The following EXOC6B variants were observed in gnomAD, a reference collection of about 807,000 sequenced individuals.
The protein encoded by EXOC6B is exocyst complex component 6B.
EXOC6B carries 54 observed loss-of-function variants against 113.5 expected under a neutral mutation model. That is an observed-to-expected ratio of 0.48 (90% CI 0.38 to 0.60). The LOEUF (loss-of-function observed/expected upper bound fraction) is 0.60, where lower values mean the gene tolerates loss of function less well. EXOC6B is among the 20% of genes least tolerant of loss of function. The probability of loss-of-function intolerance (pLI) is 0.00; values close to 1 mark genes in which losing one functional copy is unlikely to be tolerated. For synonymous variants in EXOC6B, 357 were observed against 339.0 expected (o/e 1.05, Z -0.58); for missense variants, 797 against 977.5 (o/e 0.82, Z 2.46).
intron 19 of EXOC6B, chr2:72,354,238 CA>C (rs1409088507): frequency 6.6e-6 from 1 of 152,184 alleles, no homozygotes; most frequent in East Asian, 1.9e-4. Flanking sequence ...GACAGAATTT[CA>C]GGGTATTGAA....
At chr2:72,690,608 C>T (rs929789374) in intron 6 of EXOC6B, among the ~76,000 whole-genome samples, 1 of 152,162 alleles carries the variant, frequency 6.6e-6, no homozygotes, top group African/African-American at 2.4e-5. Flanking sequence ...CAATTCTAAG[C>T]AATTCAACAA....
At chr2:72,354,908 T>C (rs902949381) in intron 19 of EXOC6B, among the ~76,000 whole-genome samples, 4 of 152,230 alleles carry the variant, frequency 2.6e-5, no homozygotes, top group Non-Finnish European at 5.9e-5. Flanking sequence ...GTTTGTGTAC[T>C]TCCCACACCA....
At position 72,730,052 on chromosome 2, in the gene EXOC6B, G is replaced by T. The variant is rs1297962818; in HGVS notation, c.464+955C>A. 2.0e-5 allele frequency among the ~76,000 whole-genome samples: 3 copies of T among 151,994 alleles called. 1 individual carries two copies. Among genetic ancestry groups the T allele is most frequent in the African/African-American group, 7.3e-5 (3 of 41,378 alleles). On this transcript the variant is annotated intron_variant, in intron 5 of 21. Coordinates refer to ENST00000272427, the MANE Select transcript of EXOC6B (RefSeq NM_015189.3). Reference sequence around the variant, plus strand: ...TCATATATCCCCATCATACTACAGGGCATCTCAGGGCAGAGAGGTTGGAGA... The same window carrying T: ...TCATATATCCCCATCATACTACAGGTCATCTCAGGGCAGAGAGGTTGGAGA...
chr2:72,281,712 T>G (rs943152115), intron 20 of EXOC6B, among the ~76,000 whole-genome samples: 3 of 152,168 alleles, frequency 2.0e-5, no homozygotes, highest in African/African-American at 7.2e-5. Context: ...TTTTCTAAAC[T>G]GATGAAAGAC....
intron 6 of EXOC6B, among the ~76,000 whole-genome samples, chr2:72,645,761 A>G (rs7420391): frequency 0.89 from 135,039 of 152,144 alleles, 59,970 homozygotes; most frequent in East Asian, 0.99. Flanking sequence ...AAGACACAAC[A>G]TACCAGAATC....
At chr2:72,357,390 A>C (rs1356302991) in intron 19 of EXOC6B, among the ~76,000 whole-genome samples, 1 of 152,174 alleles carries the variant, frequency 6.6e-6, no homozygotes, top group Non-Finnish European at 1.5e-5. Context: ...TGGTGGTCCC[A>C]TAAGATTATA....
chr2:72,725,552 C>T (rs889230649), intron 5 of EXOC6B, among the ~76,000 whole-genome samples: 6 of 152,072 alleles, frequency 3.9e-5, no homozygotes, highest in Non-Finnish European at 8.8e-5. Context: ...CCACCACACC[C>T]GCCTCATTTT....
At chr2:72,686,950 AAG>A (rs1677131672) in intron 6 of EXOC6B, among the ~76,000 whole-genome samples, 2 of 152,066 alleles carry the variant, frequency 1.3e-5, no homozygotes, top group African/African-American at 4.8e-5. Flanking sequence ...CATCCTGCCT[AAG>A]ACAGTGAAAC....
At chr2:72,483,173 G>A (rs570903833) in intron 16 of EXOC6B, among the ~76,000 whole-genome samples, 1 of 152,156 alleles carries the variant, frequency 6.6e-6, no homozygotes, top group Non-Finnish European at 1.5e-5. Context: ...TTCTCCTTCA[G>A]AGGAGGACTA....
At chr2:72,672,767 G>A (rs755677563) in intron 6 of EXOC6B, among the ~76,000 whole-genome samples, 127 of 152,098 alleles carry the variant, frequency 8.3e-4, no homozygotes, top group Non-Finnish European at 1.6e-3. Context: ...GGTCTCATGA[G>A]GATGGAGAGT....
chr2:72,601,987 A>T (rs1013104160), intron 6 of EXOC6B, among the ~76,000 whole-genome samples: 4 of 152,224 alleles, frequency 2.6e-5, no homozygotes. Context: ...CAATTGAAAG[A>T]TCATTAGTTG....
At chr2:72,332,848 C>T (rs1351623631) in intron 20 of EXOC6B, among the ~76,000 whole-genome samples, 2 of 152,052 alleles carry the variant, frequency 1.3e-5, no homozygotes, top group African/African-American at 4.8e-5. Context: ...TAAAATGATG[C>T]TCACTTTAAA....
chr2:72,430,660 C>A (rs1293385569), intron 18 of EXOC6B, among the ~76,000 whole-genome samples: 1 of 152,032 alleles, frequency 6.6e-6, no homozygotes, highest in African/African-American at 2.4e-5. Context: ...AAAGAAAAAA[C>A]AATTACTCCT....
intron 20 of EXOC6B, among the ~76,000 whole-genome samples, chr2:72,211,341 A>G (rs1680175034): frequency 6.6e-6 from 1 of 152,164 alleles, no homozygotes. Context: ...ATATTCTCCA[A>G]TGAGAGACTG....
chr2:72,555,365 T>C (rs1703479887), intron 8 of EXOC6B, among the ~76,000 whole-genome samples: 2 of 152,188 alleles, frequency 1.3e-5, no homozygotes, highest in South Asian at 4.1e-4. Flanking sequence ...AATTTACACT[T>C]CCACCAACAG....
chr2:72,628,209 C>G (rs1672177598), intron 6 of EXOC6B, among the ~76,000 whole-genome samples: 1 of 152,088 alleles, frequency 6.6e-6, no homozygotes, highest in African/African-American at 2.4e-5. Flanking sequence ...ACTACTGCCT[C>G]AAACTCCTGG....
chr2:72,214,635 C>T (rs527400974), intron 20 of EXOC6B, among the ~76,000 whole-genome samples: 1 of 152,316 alleles, frequency 6.6e-6, no homozygotes, highest in African/African-American at 2.4e-5. Flanking sequence ...GCTGCCCATA[C>T]TTTCCACTTA....
chr2:72,631,422 GTGTGTATATATATATA>G (rs766068948), intron 6 of EXOC6B, among the ~76,000 whole-genome samples: 2 of 7,042 alleles, frequency 2.8e-4, no homozygotes, highest in South Asian at 0.018. Context: ...GTGTGTGTGT[GTGTGTATATATATATA>G]TATATATATA....
intron 6 of EXOC6B, among the ~76,000 whole-genome samples, chr2:72,652,178 C>T (rs1356681795): frequency 6.6e-6 from 1 of 151,496 alleles, no homozygotes; most frequent in East Asian, 1.9e-4. Flanking sequence ...CCACCCTCCT[C>T]CCCACAAATA....
Sources: gnomAD v4.1 joint callset for allele counts (sites outside exome capture counted in the v4.1 genomes callset) on GRCh38, gnomAD v4.1.1 for gene constraint, MANE v1.5 for transcripts, NCBI Gene and HGNC (gene_info 2026-07-23, HGNC 2026-07-21) for gene names.